FDFT1: variants seen among roughly 807,000 people sequenced by gnomAD.
FDFT1 encodes farnesyl-diphosphate farnesyltransferase 1, also known as squalene synthase.
FDFT1 carries 68 observed loss-of-function variants against 46.8 expected under a neutral mutation model. The observed-to-expected ratio is 1.45, with a 90% CI of 1.19 to 1.78. The LOEUF is 1.78. FDFT1 is among the 40% of genes most tolerant of loss of function. The pLI is 0.00. For missense variants in FDFT1, 928 were observed against 524.4 expected (o/e 1.77, Z -7.52); for synonymous variants, 351 against 185.1 (o/e 1.90, Z -7.28).
chr8:11,820,193 C>T (rs533390570), intron 3 of FDFT1, among the ~76,000 whole-genome samples: 74 of 152,260 alleles, frequency 4.9e-4, no homozygotes, highest in African/African-American at 6.5e-4. Context: ...GCAAATATCG[C>T]GGCCTGATCC....
intron 5 of FDFT1, among the ~76,000 whole-genome samples, chr8:11,828,628 T>C (rs1563334168): frequency 6.6e-6 from 1 of 152,284 alleles, no homozygotes; most frequent in Non-Finnish European, 1.5e-5. Context: ...AGCCCTGCTC[T>C]TCTCATTCAC....
chr8:11,837,511 C>T (rs1811709133), intron 7 of FDFT1, among the ~76,000 whole-genome samples: 1 of 152,202 alleles, frequency 6.6e-6, no homozygotes, highest in African/African-American at 2.4e-5. Context: ...GGATTCCAAA[C>T]ATGAGCCACT....
intron 4 of FDFT1, among the ~76,000 whole-genome samples, chr8:11,825,185 G>A (rs972701435): frequency 6.6e-6 from 1 of 152,160 alleles, no homozygotes; most frequent in Non-Finnish European, 1.5e-5. Context: ...CCTAGTTCCT[G>A]TTACCAGAAT....
chr8:11,824,459 A>G (rs1809685199), intron 4 of FDFT1, among the ~76,000 whole-genome samples: 1 of 152,208 alleles, frequency 6.6e-6, no homozygotes, highest in African/African-American at 2.4e-5. Flanking sequence ...CACTTAAGTC[A>G]TACTACCTAG....
intron 4 of FDFT1, among the ~76,000 whole-genome samples, chr8:11,824,845 C>G (rs919106127): frequency 6.6e-6 from 1 of 152,164 alleles, no homozygotes; most frequent in East Asian, 1.9e-4. Flanking sequence ...ACGCCATTCT[C>G]CTGCCTTAGC....
intron 1 of FDFT1, 191 bp downstream of exon 1, chr8:11,803,122 C>T (rs1010622293): frequency 2.8e-6 from 4 of 1,428,986 alleles, no homozygotes; most frequent in Admixed American, 2.7e-5. Flanking sequence ...CCTGGCTGAC[C>T]TGTCCCTGCC....
rs1810851686 is a variant in FDFT1 at position 11,831,862 on chromosome 8, G to A, written c.1032+192G>A. 3.8e-5 allele frequency: 21 copies of A among 559,872 alleles called. No individual in the cohort carries two copies. In the South Asian group the frequency reaches 4.4e-4, roughly 12 times the overall value. The allele number at this position is 559,872 out of a possible 1,614,324, so 34.7% of individuals were successfully genotyped here. Reference sequence around the variant, plus strand: ...AGCCGAGCAGATTGCTCACTGCTGTGTAGTACCCTGGTGAGAGGAGATAAA... The same window carrying A: ...AGCCGAGCAGATTGCTCACTGCTGTATAGTACCCTGGTGAGAGGAGATAAA... On this transcript the variant is annotated intron_variant, in intron 7 of 7. Coordinates refer to ENST00000220584, the MANE Select transcript of FDFT1 (RefSeq NM_004462.5).
intron 7 of FDFT1, among the ~76,000 whole-genome samples, chr8:11,832,876 C>G (rs1811032417): frequency 6.6e-6 from 1 of 152,154 alleles, no homozygotes; most frequent in African/African-American, 2.4e-5. Flanking sequence ...CAGAGGTTAC[C>G]TCTGTTCATG....
chr8:11,830,886 C>G (rs908988567), intron 6 of FDFT1, among the ~76,000 whole-genome samples: 1 of 152,206 alleles, frequency 6.6e-6, no homozygotes, highest in Non-Finnish European at 1.5e-5. Flanking sequence ...GTTGCCTTTA[C>G]CAAGTATTGC....
intron 6 of FDFT1, among the ~76,000 whole-genome samples, chr8:11,831,256 C>T (rs964133225): frequency 6.6e-6 from 1 of 152,124 alleles, no homozygotes; most frequent in African/African-American, 2.4e-5. Flanking sequence ...TTTGCTTTTT[C>T]CAAATAAAAT....
At chr8:11,835,071 C>A (rs1310274037) in intron 7 of FDFT1, among the ~76,000 whole-genome samples, 1 of 152,204 alleles carries the variant, frequency 6.6e-6, no homozygotes, top group African/African-American at 2.4e-5. Context: ...TTGTAGTGAG[C>A]TGAGATGGCA....
At position 11,835,987 on chromosome 8, in the gene FDFT1, A is replaced by T. The variant is rs1399472007; in HGVS notation, c.1033-2401A>T. On this transcript the variant is annotated intron_variant, in intron 7 of 7. Transcript: ENST00000220584. ...TGTCTCTACTAAAAAAAAAAAAAAA[A>T]AAAAAAAATACAAAAGTTAGTTGGG... Among the ~76,000 whole-genome samples the T allele has an allele frequency of 6.9e-5, 9 of 129,598 alleles. No individual in the cohort carries two copies. In the South Asian group the frequency reaches 2.0e-3, roughly 28 times the overall value. The allele number at this position is 129,598 out of a possible 152,430, so 85.0% of individuals were successfully genotyped here.
intron 5 of FDFT1, among the ~76,000 whole-genome samples, chr8:11,828,301 A>AAAC (rs955263901): frequency 1.4e-4 from 21 of 149,368 alleles, no homozygotes; most frequent in African/African-American, 4.9e-4. Flanking sequence ...CAAAACAAAC[A>AAAC]AACAACAACA....
In FDFT1 at chr8:11,802,785, G is replaced by T. The variant is rs1436780273; in HGVS notation, c.-48G>T. ...TCCAGCCGGCCGGTGAGCGCCTGGG[G>T]ACCGCAGAGGTGAGAGTCGCGCCCG... is the stretch of plus-strand genomic sequence containing the variant. On this transcript the variant is annotated 5_prime_UTR_variant, in exon 1 of 8. Coordinates refer to ENST00000220584, the MANE Select transcript of FDFT1 (RefSeq NM_004462.5). 3 of 1,465,040 alleles carry T rather than the reference G, an allele frequency of 2.0e-6. No homozygotes were observed. Among genetic ancestry groups the T allele is most frequent in the South Asian group, 1.2e-5 (1 of 84,454 alleles). 90.8% of individuals were successfully genotyped at this position (1,465,040 alleles called of 1,614,324 possible). A position where few individuals can be genotyped will look rare whatever the true frequency, so the allele number is the denominator to read the frequency against.
intron 7 of FDFT1, among the ~76,000 whole-genome samples, chr8:11,837,467 A>AGC (rs1311029116): frequency 6.6e-6 from 1 of 152,162 alleles, no homozygotes; most frequent in Non-Finnish European, 1.5e-5. Flanking sequence ...CCTGAGCTTA[A>AGC]GCAGTCTACG....
intron 7 of FDFT1, among the ~76,000 whole-genome samples, chr8:11,834,598 C>G (rs555382080): frequency 1.6e-4 from 25 of 151,924 alleles, no homozygotes; most frequent in East Asian, 1.2e-3. Flanking sequence ...CCAAACGTAT[C>G]GAATCAGAAT....
chr8:11,799,185 C>T (rs952662185), upstream of FDFT1, among the ~76,000 whole-genome samples: 1 of 152,202 alleles, frequency 6.6e-6, no homozygotes, highest in Non-Finnish European at 1.5e-5. Context: ...CAGGAAGGCG[C>T]CTTGAGTGTA....
At chr8:11,803,485 A>T (rs1291560373) in intron 1 of FDFT1, 1 of 1,255,046 alleles carries the variant, frequency 8.0e-7, no homozygotes, top group Non-Finnish European at 1.0e-6. Context: ...TGAGTTATCT[A>T]ACGTCTATGG....
chr8:11,809,455 G>A (rs1807394048), intron 2 of FDFT1: 3 of 1,284,498 alleles, frequency 2.3e-6, no homozygotes, highest in East Asian at 3.2e-5. Context: ...CAACTAGTAG[G>A]CTTTTTAATA....
Sources: gnomAD v4.1 joint callset for allele counts (sites outside exome capture counted in the v4.1 genomes callset) on GRCh38, gnomAD v4.1.1 for gene constraint, MANE v1.5 for transcripts, NCBI Gene and HGNC (gene_info 2026-07-23, HGNC 2026-07-21) for gene names.